The following DENND4B variants were observed in gnomAD, a reference collection of about 807,000 sequenced individuals.
DENND4B encodes the protein DENN domain containing 4B.
Under a neutral mutation model 161.0 loss-of-function variants are expected in DENND4B, and 67 were observed. The ratio of observed to expected loss-of-function variants is 0.42; its 90% CI spans 0.34 to 0.51. The LOEUF is 0.51. Ranked by LOEUF, DENND4B falls within the 20% of genes least tolerant of loss-of-function variation. The pLI is 0.08. For missense variants in DENND4B, 1,481 were observed against 1,968.0 expected, an observed-to-expected ratio of 0.75 and a Z score of 4.68; for synonymous variants, 753 against 813.8, an observed-to-expected ratio of 0.93 and a Z score of 1.27.
chr1:153,943,709 A>G (rs1430672465), intron 2 of DENND4B, among the ~76,000 whole-genome samples: 2 of 150,580 alleles, frequency 1.3e-5, no homozygotes, highest in Non-Finnish European at 3.0e-5. Context: ...AAATAGTTAT[A>G]CAAGCTACCA....
intron 6 of DENND4B, 96 bp downstream of exon 6, chr1:153,941,773 C>CCGGCG: frequency 2.1e-6 from 3 of 1,426,304 alleles, no homozygotes; most frequent in Non-Finnish European, 2.9e-6. Flanking sequence ...ACCCTGTGCC[C>CCGGCG]AGCCCTCCCC....
At position 153,932,151 on chromosome 1, in the gene DENND4B, G is replaced by T; in HGVS notation, c.3996+53C>A. ...GTGCCAAGGACACAGTGGACAAATG[G>T]CTGAGAGATGAGGGAGGCACTTAGG... On this transcript the variant is annotated intron_variant, in intron 24 of 27. Coordinates refer to ENST00000361217, the MANE Select transcript of DENND4B (RefSeq NM_014856.3). This position sits in a 1 kb window ranked among gnomAD's most constrained non-coding sequence, Gnocchi z 5.8. The T allele has an allele frequency of 6.7e-7, 1 of 1,500,136 alleles. No homozygotes were observed. Among genetic ancestry groups the T allele is most frequent in the Non-Finnish European group, 9.2e-7 (1 of 1,092,406 alleles). 92.9% of individuals were successfully genotyped at this position (1,500,136 alleles called of 1,614,324 possible).
Position 153,937,630 on chromosome 1 carries a change from G to C in DENND4B, c.2106-16C>G. On this transcript the variant is annotated splice_polypyrimidine_tract_variant and intron_variant, in intron 14 of 27. Coordinates refer to ENST00000361217, the MANE Select transcript of DENND4B (RefSeq NM_014856.3). This position sits in a 1 kb window ranked among gnomAD's most constrained non-coding sequence, Gnocchi z 4.7. The stretch of plus-strand genomic sequence containing the variant: ...TCCATCATAGCTGGAGGGGCAGAGA[G>C]AAGCAACATCGGGGCAGTCAGCACA... 4 of 1,611,632 alleles carry C rather than the reference G, an allele frequency of 2.5e-6. No homozygotes were observed. The highest frequency in any genetic ancestry group is 1.7e-6 in the Non-Finnish European group (2 of 1,178,334).
chr1:153,934,787 G>A lies in DENND4B; in HGVS notation c.2746C>T (p.His916Tyr). 6.2e-7 allele frequency: 1 copy of A among 1,611,732 alleles called. No homozygotes were observed. The highest frequency in any genetic ancestry group is 8.5e-7 in the Non-Finnish European group (1 of 1,179,560). Residue 916 changes from histidine to tyrosine, a missense_variant, in exon 18 of 28, where the codon CAT becomes TAT. Coordinates refer to ENST00000361217, the MANE Select transcript of DENND4B (RefSeq NM_014856.3). This position sits in a 1 kb window ranked among gnomAD's most constrained non-coding sequence, Gnocchi z 5.3. The part of the protein sequence containing the change: ...QQQQQEQVSA[H>Y]QEAGSSQAEP... ...GCCTGGGAGCTGCCTGCCTCTTGAT[G>A]TGCTGACACCTGCTCCTGCTGCTGC...
In DENND4B at chr1:153,944,532, C is replaced by T; in HGVS notation, c.-23-135G>A. ...GGATAAGGGGTCGGCCAATCCTGAA[C>T]TCTTCCCCCTGTGACATCACTGCCC... On this transcript the variant is annotated intron_variant, in intron 1 of 27. Transcript: ENST00000361217. The surrounding 1 kb of genome is among the most constrained non-coding windows in gnomAD (Gnocchi z 4.8). 2 of 865,056 alleles carry T rather than the reference C, an allele frequency of 2.3e-6. No individual in the cohort carries two copies. The highest frequency in any genetic ancestry group is 3.8e-5 in the South Asian group (2 of 53,276). The allele number at this position is 865,056 out of a possible 1,614,324, so 53.6% of individuals were successfully genotyped here. A position where few individuals can be genotyped will look rare whatever the true frequency, so the allele number is the denominator to read the frequency against.
At chr1:153,938,216 C>G (rs377607861) in intron 13 of DENND4B, among the ~76,000 whole-genome samples, 91 of 152,086 alleles carry the variant, frequency 6.0e-4, no homozygotes, top group African/African-American at 2.2e-3. Flanking sequence ...CGAGACCAGC[C>G]TGGCCAACAT....
chr1:153,933,764 T>C lies in DENND4B; in HGVS notation c.3049A>G (p.Ser1017Gly). ...AGGGCTGAGCCTGAGCCCCCTGGGCTGCCTCCAGGGAGCGGCTCCTCCCCT... is the reference window on the plus strand; with the variant it reads ...AGGGCTGAGCCTGAGCCCCCTGGGCCGCCTCCAGGGAGCGGCTCCTCCCCT... ...LTGEEPLPGG[S>G]PGGSGSALSA... The change falls in exon 20 of 28, where the codon AGC (serine) becomes GGC (glycine). Residue 1017 changes from serine to glycine, a missense_variant. Physicochemically the swap from Ser to Gly is moderately conservative, Grantham distance 56 (BLOSUM62 0). Around this residue, in one of 3 missense-constraint regions of DENND4B, gnomAD observed 339 missense variants for 330.3 expected, o/e 1.03. Coordinates refer to ENST00000361217, the MANE Select transcript of DENND4B (RefSeq NM_014856.3). The surrounding 1 kb of genome is among the most constrained non-coding windows in gnomAD (Gnocchi z 5.7). 1.2e-6 allele frequency: 2 copies of C among 1,608,198 alleles called. No individual in the cohort carries two copies. Among genetic ancestry groups the C allele is most frequent in the Non-Finnish European group, 1.7e-6 (2 of 1,177,708 alleles).
Position 153,944,380 on chromosome 1 carries a change from C to G in DENND4B, c.-6G>C, listed in dbSNP as rs74115717. ...GGGGGCCGCTCCTCCGCCATGGCCC[C>G]CCCCTCACTCACTGCATCTGGAATG... On this transcript the variant is annotated 5_prime_UTR_variant, in exon 2 of 28. Transcript: ENST00000361217. This position sits in a 1 kb window ranked among gnomAD's most constrained non-coding sequence, Gnocchi z 4.8. 5.1e-3 allele frequency: 8,140 copies of G among 1,600,432 alleles called. 404 individuals are homozygous for G. In the African/African-American group the frequency reaches 0.099, roughly 20 times the overall value.
Position 153,940,928 on chromosome 1 carries a change from G to C in DENND4B, c.1302C>G (p.Thr434=). Residue 434 remains threonine (T), a synonymous_variant, in exon 9 of 28, where the codon ACC becomes ACG. Coordinates refer to ENST00000361217, the MANE Select transcript of DENND4B (RefSeq NM_014856.3). This position sits in a 1 kb window ranked among gnomAD's most constrained non-coding sequence, Gnocchi z 5.6. ...LVHSLRPDLL[T]SVCEALVSMI... Reference sequence around the variant, plus strand: ...CCGAGACGAGGGCCTCACAGACGCTGGTGAGCAGGTCTGGCCGCAGCGAGT... The same window carrying C: ...CCGAGACGAGGGCCTCACAGACGCTCGTGAGCAGGTCTGGCCGCAGCGAGT... 1 of 1,591,410 alleles carries C rather than the reference G, an allele frequency of 6.3e-7. No individual in the cohort carries two copies. Among genetic ancestry groups the C allele is most frequent in the Non-Finnish European group, 8.5e-7 (1 of 1,171,270 alleles).
In DENND4B at chr1:153,944,531, A is replaced by C; in HGVS notation, c.-23-134T>G. The stretch of plus-strand genomic sequence containing the variant: ...AGGATAAGGGGTCGGCCAATCCTGA[A>C]CTCTTCCCCCTGTGACATCACTGCC... On this transcript the variant is annotated intron_variant, in intron 1 of 27. Coordinates refer to ENST00000361217, the MANE Select transcript of DENND4B (RefSeq NM_014856.3). This position sits in a 1 kb window ranked among gnomAD's most constrained non-coding sequence, Gnocchi z 4.8. 1 of 870,890 alleles carries C rather than the reference A, an allele frequency of 1.1e-6. No individual in the cohort carries two copies. 53.9% of individuals were successfully genotyped at this position (870,890 alleles called of 1,614,324 possible). A position where few individuals can be genotyped will look rare whatever the true frequency, so the allele number is the denominator to read the frequency against.
chr1:153,933,602 A>G lies in DENND4B; in HGVS notation c.3211T>C (p.Ser1071Pro). ...GGTGGGGGAATGCGGGAGGCAGGGG[A>G]GTGGCGGGAAGGAGTGAGCAGCTGT... ...LQQLLTPSRHSPASRIPPPEL... is the reference protein window; with the variant it reads ...LQQLLTPSRHPPASRIPPPEL... Residue 1071 changes from serine to proline, a missense_variant, in exon 20 of 28, where the codon TCC (serine) becomes CCC (proline). By Grantham distance (74) the Ser-to-Pro change is moderately conservative. Around this residue, in one of 3 missense-constraint regions of DENND4B, gnomAD observed 339 missense variants for 330.3 expected, o/e 1.03. Coordinates refer to ENST00000361217, the MANE Select transcript of DENND4B (RefSeq NM_014856.3). This position sits in a 1 kb window ranked among gnomAD's most constrained non-coding sequence, Gnocchi z 5.7. 1 of 1,550,428 alleles carries G rather than the reference A, an allele frequency of 6.4e-7. No individual in the cohort carries two copies. The highest frequency in any genetic ancestry group is 8.7e-7 in the Non-Finnish European group (1 of 1,151,412).
In DENND4B at chr1:153,942,710, T is replaced by C; in HGVS notation, c.571-85A>G. ...ACTTTCTCTCTACCACCCCTAAATG[T>C]TCTTTTGTCTTTAAAGCTCCCATTA... On this transcript the variant is annotated intron_variant, in intron 3 of 27. Coordinates refer to ENST00000361217, the MANE Select transcript of DENND4B (RefSeq NM_014856.3). This position sits in a 1 kb window ranked among gnomAD's most constrained non-coding sequence, Gnocchi z 6.9. 1 of 1,482,706 alleles carries C rather than the reference T, an allele frequency of 6.7e-7. No homozygotes were observed. The highest frequency in any genetic ancestry group is 1.4e-5 in the South Asian group (1 of 72,102). The allele number at this position is 1,482,706 out of a possible 1,614,324, so 91.8% of individuals were successfully genotyped here.
In DENND4B at chr1:153,930,515, T is replaced by G. The variant is rs767394823; in HGVS notation, c.4345+24A>C. 2 of 1,613,896 alleles carry G rather than the reference T, an allele frequency of 1.2e-6. No individual in the cohort carries two copies. The highest frequency in any genetic ancestry group is 2.7e-5 in the African/African-American group (2 of 74,940). ...ACCTGGCCCCAGATCCCTAAACTCCTCAGCCCCTTGCCTGCAATCTCACCT... is the reference window on the plus strand; with the variant it reads ...ACCTGGCCCCAGATCCCTAAACTCCGCAGCCCCTTGCCTGCAATCTCACCT... On this transcript the variant is annotated intron_variant, in intron 27 of 27. Transcript: ENST00000361217. The surrounding 1 kb of genome is among the most constrained non-coding windows in gnomAD (Gnocchi z 4.7).
In DENND4B at chr1:153,932,574, C is replaced by T; in HGVS notation, c.3759+68G>A. 6.4e-7 allele frequency: 1 copy of T among 1,574,762 alleles called. No individual in the cohort carries two copies. Among genetic ancestry groups the T allele is most frequent in the Non-Finnish European group, 8.6e-7 (1 of 1,158,424 alleles). On this transcript the variant is annotated intron_variant, in intron 23 of 27. Coordinates refer to ENST00000361217, the MANE Select transcript of DENND4B (RefSeq NM_014856.3). The surrounding 1 kb of genome is among the most constrained non-coding windows in gnomAD (Gnocchi z 5.8). Reference sequence around the variant, plus strand: ...GGGCAAGAGATGTGCCCATCTCTCCCTGGCACCCCACAGGCCCCACACAGG... The same window carrying T: ...GGGCAAGAGATGTGCCCATCTCTCCTTGGCACCCCACAGGCCCCACACAGG...
intron 13 of DENND4B, among the ~76,000 whole-genome samples, chr1:153,938,440 C>T (rs1015073100): frequency 4.3e-5 from 6 of 139,778 alleles, no homozygotes; most frequent in African/African-American, 1.1e-4. Flanking sequence ...CGGTGGCTAA[C>T]GCTTGTAATC....
At position 153,942,521 on chromosome 1, in the gene DENND4B, G is replaced by T; in HGVS notation, c.640+35C>A. 1.3e-6 allele frequency: 2 copies of T among 1,582,792 alleles called. No homozygotes were observed. Among genetic ancestry groups the T allele is most frequent in the Non-Finnish European group, 8.6e-7 (1 of 1,164,056 alleles). On this transcript the variant is annotated intron_variant, in intron 4 of 27. Transcript: ENST00000361217. This position sits in a 1 kb window ranked among gnomAD's most constrained non-coding sequence, Gnocchi z 6.9. Reference sequence around the variant, plus strand: ...GAGGCACCAGGGCAAAGGGATGTAGGGTCACAGGATTGGAGGGATAAAGGG... The same window carrying T: ...GAGGCACCAGGGCAAAGGGATGTAGTGTCACAGGATTGGAGGGATAAAGGG...
At position 153,939,576 on chromosome 1, in the gene DENND4B, A is replaced by T. The variant is rs1317646852; in HGVS notation, c.1819+13T>A. The T allele has an allele frequency of 6.3e-7, 1 of 1,590,074 alleles. No individual in the cohort carries two copies. On this transcript the variant is annotated intron_variant, in intron 12 of 27. Coordinates refer to ENST00000361217, the MANE Select transcript of DENND4B (RefSeq NM_014856.3). ...CCATGATACATCTCCAAGCAGAGAC[A>T]GGCCCTCTATACCCTGCAGGAAGAA...
In DENND4B at chr1:153,946,664, G is replaced by C; in HGVS notation, c.-387C>G. 2.6e-6 allele frequency: 1 copy of C among 377,520 alleles called. No individual in the cohort carries two copies. The highest frequency in any genetic ancestry group is 4.7e-6 in the Non-Finnish European group (1 of 213,572). The allele number at this position is 377,520 out of a possible 1,614,324, so 23.4% of individuals were successfully genotyped here. Reference sequence around the variant, plus strand: ...ACCCCCGCTCCGGGCCGCGGGCGCCGCCGCTACCCCCACCCCTCCTCCTCG... The same window carrying C: ...ACCCCCGCTCCGGGCCGCGGGCGCCCCCGCTACCCCCACCCCTCCTCCTCG... On this transcript the variant is annotated 5_prime_UTR_variant, in exon 1 of 28. Coordinates refer to ENST00000361217, the MANE Select transcript of DENND4B (RefSeq NM_014856.3). This position sits in a 1 kb window ranked among gnomAD's most constrained non-coding sequence, Gnocchi z 6.3.
At chr1:153,935,029 C>A in intron 17 of DENND4B, 65 bp from the exon 18 acceptor site, 1 of 1,581,792 alleles carries the variant, frequency 6.3e-7, no homozygotes, top group Non-Finnish European at 8.6e-7. Context: ...CATACCCACT[C>A]CCTGTCTTGG....
Sources: allele counts gnomAD v4.1 joint callset (sites outside exome capture counted in the v4.1 genomes callset), GRCh38; gene constraint gnomAD v4.1.1; regional missense constraint gnomAD v4.1.1; non-coding constraint Gnocchi (gnomAD v3.1); transcripts MANE v1.5; gene names NCBI Gene and HGNC (gene_info 2026-07-23, HGNC 2026-07-21).